Variants in PRRC2B observed in about 807,000 individuals in gnomAD.
PRRC2B encodes protein PRRC2B.
A neutral mutation model predicts 242.3 loss-of-function variants in PRRC2B; 68 were observed. The observed-to-expected ratio is 0.28, with a 90% confidence interval of 0.23 to 0.34. The LOEUF is 0.34. Ranked by LOEUF, PRRC2B falls within the 10% of genes least tolerant of loss-of-function variation. The pLI is 1.00. For synonymous variants in PRRC2B, 1,228 were observed against 1,173.6 expected (o/e 1.05, Z -0.95); for missense variants, 2,835 against 2,954.8 (o/e 0.96, Z 0.94).
Position 131,459,174 on chromosome 9 carries a change from G to A in PRRC2B, c.1222G>A (p.Asp408Asn). 6.2e-7 allele frequency: 1 copy of A among 1,613,794 alleles called. No homozygotes were observed. The highest frequency in any genetic ancestry group is 8.5e-7 in the Non-Finnish European group (1 of 1,179,792). ...KDGRPKWNSW[D>N]PRRQRQLSMS... ...TGTGGTTTGTCCTAGGAACAGTTGG[G>A]ACCCTAGGAGGCAGCGGCAGTTGTC... The change falls in exon 11 of 32, where the codon GAC (aspartate) becomes AAC (asparagine). Residue 408 changes from aspartate to asparagine, a missense_variant. Asp to Asn is a conservative substitution (Grantham distance 23). Transcript: ENST00000683519.
At chr9:131,480,833 A>T (rs1943839264) in intron 19 of PRRC2B, among the ~76,000 whole-genome samples, 1 of 152,038 alleles carries the variant, frequency 6.6e-6, no homozygotes, top group Non-Finnish European at 1.5e-5. Context: ...GAGCTTAAAA[A>T]TTTTTAGTAA....
chr9:131,444,131 G>A (rs566644614), intron 5 of PRRC2B, 54 bp from the exon 6 acceptor site: 1 of 1,601,964 alleles, frequency 6.2e-7, no homozygotes, highest in Admixed American at 1.7e-5. Flanking sequence ...CTGGGAAGCA[G>A]ACGACTGTTG....
chr9:131,447,601 G>T, intron 8 of PRRC2B, 61 bp from the exon 9 acceptor site: 12 of 1,420,634 alleles, frequency 8.4e-6, no homozygotes, highest in Non-Finnish European at 1.0e-5. Context: ...TTTTGGAAAG[G>T]TATTTGATTT....
intron 1 of PRRC2B, among the ~76,000 whole-genome samples, chr9:131,429,286 T>TGAGC (rs1169806358): frequency 2.8e-4 from 42 of 152,094 alleles, no homozygotes; most frequent in African/African-American, 9.6e-4. Flanking sequence ...AGTGAGTGAG[T>TGAGC]GAGTGAGTGA....
chr9:131,498,925 G>C lies in PRRC2B; in HGVS notation c.*3051G>C, dbSNP rs1286211101. ...CTACCCACTGGGGACTTCAATGCCA[G>C]CTGCATTTGGTTTGGTTTTCTTAAC... On this transcript the variant is annotated 3_prime_UTR_variant, in exon 32 of 32. Transcript: ENST00000683519. The C allele has an allele frequency of 6.6e-6, 1 of 152,170 alleles. No individual in the cohort carries two copies. The highest frequency in any genetic ancestry group is 2.4e-5 in the African/African-American group (1 of 41,436). The allele number at this position is 152,170 out of a possible 1,614,324, so 9.4% of individuals were successfully genotyped here.
At chr9:131,476,767 A>G (rs778377561) in intron 16 of PRRC2B, among the ~76,000 whole-genome samples, 1 of 127,468 alleles carries the variant, frequency 7.8e-6, no homozygotes. Flanking sequence ...TCTTGAGGCC[A>G]CTGTCCAGCA....
At chr9:131,408,299 A>G (rs1309119046) in intron 1 of PRRC2B, among the ~76,000 whole-genome samples, 2 of 152,184 alleles carry the variant, frequency 1.3e-5, no homozygotes, top group East Asian at 3.8e-4. Context: ...CAGAGATGCC[A>G]GGTTGTAAAG....
At chr9:131,432,542 C>G in intron 2 of PRRC2B, 75 bp from the exon 3 acceptor site, 1 of 1,364,366 alleles carries the variant, frequency 7.3e-7, no homozygotes, top group Admixed American at 2.0e-5. Flanking sequence ...ATTGAAAGAA[C>G]AGCTGAATGC....
intron 31 of PRRC2B, 74 bp from the exon 32 acceptor site, chr9:131,495,666 A>G: frequency 6.6e-7 from 1 of 1,514,924 alleles, no homozygotes; most frequent in Non-Finnish European, 9.0e-7. Flanking sequence ...GCAGGAAGGG[A>G]GTGGTGGGAA....
At position 131,476,363 on chromosome 9, in the gene PRRC2B, G is replaced by A; in HGVS notation, c.4234G>A (p.Glu1412Lys). 1 of 1,596,602 alleles carries A rather than the reference G, an allele frequency of 6.3e-7. No individual in the cohort carries two copies. The highest frequency in any genetic ancestry group is 1.3e-5 in the African/African-American group (1 of 74,706). Residue 1412 changes from glutamate (E) to lysine (K), a missense_variant, in exon 16 of 32, where the codon GAG (glutamate) becomes AAG (lysine). Glu to Lys is a moderately conservative substitution (Grantham distance 56, BLOSUM62 1). Transcript: ENST00000683519. Reference sequence around the variant, plus strand: ...TGGCCTGTCGGGGGCTAGTTTGGGTGAGAAGAAGGAGCTGGCCAAGAGGAG... The same window carrying A: ...TGGCCTGTCGGGGGCTAGTTTGGGTAAGAAGAAGGAGCTGGCCAAGAGGAG... ...DGGLSGASLGEKKELAKRSFS... is the reference protein window; with the variant it reads ...DGGLSGASLGKKKELAKRSFS...
In PRRC2B at chr9:131,464,852, G is replaced by A. The variant is rs750607435; in HGVS notation, c.1494G>A (p.Glu498=). 4 of 1,613,912 alleles carry A rather than the reference G, an allele frequency of 2.5e-6. No homozygotes were observed. The highest frequency in any genetic ancestry group is 2.5e-6 in the Non-Finnish European group (3 of 1,179,872). The part of the protein sequence containing the change: ...PPPRQKFIQS[E]MSEAVERARK... ...CAAGGCAGAAGTTCATTCAGTCAGA[G>A]ATGTCCGAGGCGGTGGAGCGAGCCC... The change falls in exon 12 of 32, where the codon GAG becomes GAA. Residue 498 remains glutamate (E), a synonymous_variant. Coordinates refer to ENST00000683519, the MANE Select transcript of PRRC2B (RefSeq NM_013318.4).
rs1248787478 is a variant in PRRC2B, at chr9:131,499,360, C to T, written c.*3486C>T. On this transcript the variant is annotated 3_prime_UTR_variant, in exon 32 of 32. Transcript: ENST00000683519. ...CTGTGCCAAGTAGCTGCAGGCTGCC[C>T]CTCAAATCTTCATTTGTCCCTTTTC... The T allele has an allele frequency of 6.6e-6, 1 of 152,228 alleles. No individual in the cohort carries two copies. Among genetic ancestry groups the T allele is most frequent in the Non-Finnish European group, 1.5e-5 (1 of 68,050 alleles). The allele number at this position is 152,228 out of a possible 1,614,324, so 9.4% of individuals were successfully genotyped here. A position where few individuals can be genotyped will look rare whatever the true frequency, so the allele number is the denominator to read the frequency against.
In PRRC2B at chr9:131,482,175, G is replaced by A. The variant is rs1191770601; in HGVS notation, c.4984-196G>A. 6.6e-6 allele frequency among the ~76,000 whole-genome samples: 1 copy of A among 152,200 alleles called. No homozygotes were observed. Among genetic ancestry groups the A allele is most frequent in the African/African-American group, 2.4e-5 (1 of 41,422 alleles). ...GGCCCATAGAAGATCCTGTGGTCAC[G>A]AGCTCTATCGGGGTTGGTGTGTTTG... On this transcript the variant is annotated intron_variant, in intron 20 of 31. Transcript: ENST00000683519. This position sits in a 1 kb window ranked among gnomAD's most constrained non-coding sequence, Gnocchi z 5.2.
chr9:131,467,747 A>G lies in PRRC2B; in HGVS notation c.1905A>G (p.Gln635=), dbSNP rs368842514. The G allele has an allele frequency of 8.1e-5, 130 of 1,613,918 alleles. No individual in the cohort carries two copies. The highest frequency in any genetic ancestry group is 1.3e-4 in the East Asian group (6 of 44,884). The change falls in exon 13 of 32, where the codon CAA becomes CAG. Residue 635 remains glutamine, a synonymous_variant. Coordinates refer to ENST00000683519, the MANE Select transcript of PRRC2B (RefSeq NM_013318.4). ...GATTCCAGCGCCAGCAGCAGCAACA[A>G]CAGCAGGTAAACAGATGAGATGGTA... ...PPRFQRQQQQ[Q]QQEQLYKMQH...
Position 131,419,914 on chromosome 9 carries a change from TCCCC to T in PRRC2B, c.-51-10179_-51-10176del, listed in dbSNP as rs141644409. ...ATGTGGAAGGTGTGTGAGCAGGTGC[TCCCC>T]GTGGTCTGTGTTGCTGTGTGAGCCG... On this transcript the variant is annotated intron_variant, in intron 1 of 31. Transcript: ENST00000683519. Among the ~76,000 whole-genome samples the T allele has an allele frequency of 2.8e-3, 421 of 151,886 alleles. 1 individual carries two copies. Among genetic ancestry groups the T allele is most frequent in the Middle Eastern group, 0.014 (4 of 294 alleles).
intron 1 of PRRC2B, among the ~76,000 whole-genome samples, chr9:131,401,940 C>T (rs958671845): frequency 3.3e-5 from 5 of 151,490 alleles, no homozygotes; most frequent in African/African-American, 7.3e-5. Flanking sequence ...GGATTACAGG[C>T]GTGAGCCACT....
chr9:131,382,603 C>T (rs986342940), intron 1 of PRRC2B, among the ~76,000 whole-genome samples: 2 of 151,506 alleles, frequency 1.3e-5, no homozygotes, highest in East Asian at 1.9e-4. Context: ...CTGGTTCGTT[C>T]GGACCCAGTG....
chr9:131,471,099 T>C, intron 14 of PRRC2B, 116 bp downstream of exon 14: 2 of 648,502 alleles, frequency 3.1e-6, no homozygotes, highest in Non-Finnish European at 5.2e-6. Flanking sequence ...CTTTGTCAAG[T>C]ACACAACTGG....
intron 1 of PRRC2B, among the ~76,000 whole-genome samples, chr9:131,375,347 C>T (rs931463307): frequency 2.0e-5 from 3 of 151,352 alleles, no homozygotes; most frequent in Non-Finnish European, 2.9e-5. Context: ...TGCAGTGAGC[C>T]GAGATTGCGT....
Sources: gnomAD v4.1 joint callset for allele counts (sites outside exome capture counted in the v4.1 genomes callset) on GRCh38, gnomAD v4.1.1 for gene constraint, Gnocchi (gnomAD v3.1) non-coding constraint, MANE v1.5 for transcripts, NCBI Gene and HGNC (gene_info 2026-07-23, HGNC 2026-07-21) for gene names.